RAB44: variants seen among roughly 807,000 people sequenced by gnomAD.
RAB44 encodes the protein ras-related protein Rab-44.
RAB44 carries 67 observed loss-of-function variants against 93.3 expected under a neutral mutation model. The ratio of observed to expected loss-of-function variants is 0.72; its 90% CI spans 0.59 to 0.88. The LOEUF (loss-of-function observed/expected upper bound fraction) is 0.88. Among genes scored for constraint, RAB44 ranks in the 40% least tolerant of loss-of-function variants. RAB44 has a pLI of 0.00. For missense variants in RAB44, 1,064 were observed against 1,261.7 expected (o/e 0.84, Z 2.37); for synonymous variants, 427 against 520.3 (o/e 0.82, Z 2.44).
intron 2 of RAB44, among the ~76,000 whole-genome samples, chr6:36,708,833 A>G (rs532407861): frequency 4.3e-4 from 66 of 152,184 alleles, no homozygotes; most frequent in South Asian, 2.5e-3. Context: ...CCAATTTATT[A>G]TTTTAGTAGA....
rs186843180 is a variant in RAB44, at chr6:36,723,326, T to C, written c.2599+593T>C. 1.7e-3 allele frequency among the ~76,000 whole-genome samples: 266 copies of C among 152,348 alleles called. 3 individuals are homozygous for C. The highest frequency in any genetic ancestry group is 6.1e-3 in the African/African-American group (253 of 41,578). The stretch of plus-strand genomic sequence containing the variant: ...CAGTAGTGCTGCCTTCCTAGAGTGG[T>C]TGAGGACTAGTTAATATGTCAAGAT... On this transcript the variant is annotated intron_variant, in intron 9 of 13. Coordinates refer to ENST00000612677, the MANE Select transcript of RAB44 (RefSeq NM_001257357.2).
At chr6:36,706,328 G>A (rs1376468954) in intron 2 of RAB44, among the ~76,000 whole-genome samples, 1 of 152,216 alleles carries the variant, frequency 6.6e-6, no homozygotes, top group Non-Finnish European at 1.5e-5. Context: ...GGGCAAACTA[G>A]GATGAGTTGG....
chr6:36,718,468 A>T, intron 6 of RAB44, 25 bp from the exon 7 acceptor site: 1 of 1,150,158 alleles, frequency 8.7e-7, no homozygotes. Context: ...CTGCAGGGTG[A>T]GGGCTGAATC....
rs1343288003 is a variant in RAB44 at position 36,725,971 on chromosome 6, AG to A, written c.2681+30del. 4.6e-6 allele frequency: 7 copies of A among 1,528,056 alleles called. No individual in the cohort carries two copies. The African/African-American group carries it at 9.6e-5, about 21-fold the overall frequency. The allele number at this position is 1,528,056 out of a possible 1,614,324, so 94.7% of individuals were successfully genotyped here. ...AACAGGCACTGTATATCAGTGTGTC[AG>A]GAACCTAGGCTGAGCGTAGGGGTGC... On this transcript the variant is annotated intron_variant, in intron 10 of 13. Transcript: ENST00000612677.
rs374955677 is a variant in RAB44 at position 36,721,654 on chromosome 6, C to A, written c.1520C>A (p.Ala507Glu). Reference protein sequence around the residue: ...IPLEDGPPPPANSPPPQAPAG... With the variant: ...IPLEDGPPPPENSPPPQAPAG... ...TTGGAGGATGGGCCCCCTCCCCCTG[C>A]GAACTCTCCCCCTCCCCAGGCCCCA... Residue 507 changes from alanine (A) to glutamate (E), a missense_variant, in exon 9 of 14, where the codon GCG (alanine) becomes GAG (glutamate). By Grantham distance (107) the Ala-to-Glu change is moderately radical. Transcript: ENST00000612677. 232 of 1,234,454 alleles carry A rather than the reference C, an allele frequency of 1.9e-4. No individual in the cohort carries two copies. The African/African-American group carries it at 3.1e-3, about 17-fold the overall frequency. The allele number at this position is 1,234,454 out of a possible 1,614,324, so 76.5% of individuals were successfully genotyped here. A position where few individuals can be genotyped will look rare whatever the true frequency, so the allele number is the denominator to read the frequency against.
At chr6:36,715,891 C>T (rs572462880) in intron 4 of RAB44, among the ~76,000 whole-genome samples, 2 of 152,198 alleles carry the variant, frequency 1.3e-5, no homozygotes, top group African/African-American at 2.4e-5. Context: ...GCAGAGGATG[C>T]CTGCTCATGG....
intron 4 of RAB44, among the ~76,000 whole-genome samples, chr6:36,716,040 C>T (rs1762912355): frequency 6.6e-6 from 1 of 152,208 alleles, no homozygotes; most frequent in South Asian, 2.1e-4. Flanking sequence ...TGCCTTTCTT[C>T]ACTCAGTGAA....
chr6:36,723,590 C>T (rs1450783372), intron 9 of RAB44, among the ~76,000 whole-genome samples: 1 of 151,996 alleles, frequency 6.6e-6, no homozygotes, highest in Non-Finnish European at 1.5e-5. Flanking sequence ...AATCCCAACA[C>T]TTTGGGAGGC....
At chr6:36,729,457 G>A (rs956339502) in intron 12 of RAB44, among the ~76,000 whole-genome samples, 1 of 151,644 alleles carries the variant, frequency 6.6e-6, no homozygotes, top group Non-Finnish European at 1.5e-5. Context: ...GGCTCCTGCT[G>A]GAAGGGAATT....
At chr6:36,729,280 T>G (rs1008728208) in intron 12 of RAB44, among the ~76,000 whole-genome samples, 1 of 152,178 alleles carries the variant, frequency 6.6e-6, no homozygotes, top group Non-Finnish European at 1.5e-5. Flanking sequence ...ACACTATCTA[T>G]TCATGAATGG....
In RAB44 at chr6:36,728,790, C is replaced by T; in HGVS notation, c.2887C>T (p.Gln963Ter). 1 of 1,550,404 alleles carries T rather than the reference C, an allele frequency of 6.4e-7. No homozygotes were observed. Among genetic ancestry groups the T allele is most frequent in the Non-Finnish European group, 8.7e-7 (1 of 1,146,812 alleles). Residue 963 changes from glutamine (Q) to a stop codon, truncating the protein, a stop_gained, in exon 12 of 14, where the codon CAA becomes TAA. Coordinates refer to ENST00000612677, the MANE Select transcript of RAB44 (RefSeq NM_001257357.2). LOFTEE classifies it high-confidence loss of function. The stretch of plus-strand genomic sequence containing the variant: ...GCAAGTGTCCGTGGAAGCTGGGCAG[C>T]AACTGGCCCAGGTAAGCACTTGGGC... Reference protein sequence around the residue: ...ERQVSVEAGQQLAQELGVYFG... With the variant: ...ERQVSVEAGQ
chr6:36,717,500 G>T lies in RAB44; in HGVS notation c.641+81G>T. The T allele has an allele frequency of 8.2e-7, 1 of 1,220,722 alleles. No individual in the cohort carries two copies. Among genetic ancestry groups the T allele is most frequent in the Non-Finnish European group, 1.0e-6 (1 of 978,476 alleles). The allele number at this position is 1,220,722 out of a possible 1,614,324, so 75.6% of individuals were successfully genotyped here. ...AGTGGAATCTGGTTGAATTTCCCCA[G>T]CTCCTCCTGCAGCTGGGCCTGTGAG... On this transcript the variant is annotated intron_variant, in intron 5 of 13. Coordinates refer to ENST00000612677, the MANE Select transcript of RAB44 (RefSeq NM_001257357.2). This position sits in a 1 kb window ranked among gnomAD's most constrained non-coding sequence, Gnocchi z 4.1.
At position 36,721,439 on chromosome 6, in the gene RAB44, A is replaced by T. The variant is rs1189812582; in HGVS notation, c.1305A>T (p.Pro435=). 1 of 1,234,206 alleles carries T rather than the reference A, an allele frequency of 8.1e-7. No individual in the cohort carries two copies. Among genetic ancestry groups the T allele is most frequent in the Non-Finnish European group, 1.0e-6 (1 of 988,248 alleles). 76.5% of individuals were successfully genotyped at this position (1,234,206 alleles called of 1,614,324 possible). A position where few individuals can be genotyped will look rare whatever the true frequency, so the allele number is the denominator to read the frequency against. The change falls in exon 9 of 14, where the codon CCA becomes CCT. Residue 435 remains proline (P), a synonymous_variant. Transcript: ENST00000612677. ...ATCCAGATGGGGCTCCAAGGACCCC[A>T]CCTGGGGTGACTTTCAGCGCCAAGG... ...SSDPDGAPRT[P]PGVTFSAKDN...
intron 12 of RAB44, 31 bp from the exon 13 acceptor site, chr6:36,730,642 G>T: frequency 1.6e-6 from 2 of 1,220,978 alleles, no homozygotes; most frequent in Non-Finnish European, 2.0e-6. Context: ...CTCTCCCAAG[G>T]CACATATGTC....
intron 7 of RAB44, among the ~76,000 whole-genome samples, chr6:36,720,106 G>GT (rs1310500778): frequency 1.3e-5 from 2 of 152,206 alleles, no homozygotes; most frequent in Non-Finnish European, 2.9e-5. Flanking sequence ...TGGGGCCTTT[G>GT]TGGCGCTGGT....
chr6:36,713,143 T>C (rs934332102), intron 2 of RAB44, among the ~76,000 whole-genome samples: 9 of 152,236 alleles, frequency 5.9e-5, no homozygotes, highest in Admixed American at 5.2e-4. Flanking sequence ...TCATGACCTG[T>C]AGGCCATGAT....
chr6:36,727,329 G>A (rs1055133538), intron 10 of RAB44, among the ~76,000 whole-genome samples: 2 of 152,194 alleles, frequency 1.3e-5, no homozygotes, highest in Non-Finnish European at 2.9e-5. Context: ...CTGGGGAGGG[G>A]GACTGGGTGG....
intron 1 of RAB44, among the ~76,000 whole-genome samples, chr6:36,698,278 TATTA>T (rs1270461582): frequency 6.6e-6 from 1 of 152,166 alleles, no homozygotes; most frequent in African/African-American, 2.4e-5. Context: ...CGACTGTGGC[TATTA>T]TTTACAGCTA....
intron 2 of RAB44, among the ~76,000 whole-genome samples, chr6:36,708,280 A>G (rs1245319674): frequency 2.0e-5 from 3 of 152,100 alleles, no homozygotes; most frequent in East Asian, 1.9e-4. Context: ...GGGCCTTCAC[A>G]TAAAGCATGC....
Sources: allele counts gnomAD v4.1 joint callset (sites outside exome capture counted in the v4.1 genomes callset), GRCh38; gene constraint gnomAD v4.1.1; non-coding constraint Gnocchi (gnomAD v3.1); transcripts MANE v1.5; gene names NCBI Gene and HGNC (gene_info 2026-07-23, HGNC 2026-07-21).